The following DENND1C variants were observed in gnomAD, a reference collection of about 807,000 sequenced individuals.
DENND1C encodes the protein DENN domain containing 1C, also known as DENN domain-containing protein 1C.
Under a neutral mutation model 87.9 loss-of-function variants are expected in DENND1C, and 64 were observed. The ratio of observed to expected loss-of-function variants is 0.73; its 90% confidence interval spans 0.60 to 0.90. The LOEUF (loss-of-function observed/expected upper bound fraction) is 0.90. Among genes scored for constraint, DENND1C ranks in the 40% least tolerant of loss-of-function variants. The probability of loss-of-function intolerance (pLI) is 0.00; values close to 1 mark genes in which losing one functional copy is unlikely to be tolerated. For missense variants in DENND1C, 980 were observed against 1,037.0 expected (o/e 0.95, Z 0.76); for synonymous variants, 384 against 424.4 (o/e 0.90, Z 1.17).
intron 14 of DENND1C, among the ~76,000 whole-genome samples, chr19:6,474,020 C>A (rs1367781853): frequency 2.6e-5 from 4 of 151,968 alleles, no homozygotes; most frequent in Non-Finnish European, 5.9e-5. Context: ...CATGGTGAAA[C>A]CCCATCTGTA....
Position 6,467,482 on chromosome 19 carries a change from G to T in DENND1C, c.*22C>A. On this transcript the variant is annotated 3_prime_UTR_variant, in exon 23 of 23. Coordinates refer to ENST00000381480, the MANE Select transcript of DENND1C (RefSeq NM_024898.4). Reference sequence around the variant, plus strand: ...CTTGTGGCTTTATTGAGGGACTGGGGTCTCTCTTGGACCCCTGATTCTTAA... The same window carrying T: ...CTTGTGGCTTTATTGAGGGACTGGGTTCTCTCTTGGACCCCTGATTCTTAA... The T allele has an allele frequency of 6.6e-7, 1 of 1,517,518 alleles. No homozygotes were observed. The highest frequency in any genetic ancestry group is 1.3e-5 in the South Asian group (1 of 78,574). The allele number at this position is 1,517,518 out of a possible 1,614,324, so 94.0% of individuals were successfully genotyped here.
Position 6,475,506 on chromosome 19 carries a change from A to G in DENND1C, c.905T>C (p.Val302Ala). The change falls in exon 13 of 23, where the codon GTG becomes GCG. Residue 302 changes from valine (V) to alanine (A), a missense_variant. Physicochemically the swap from Val to Ala is moderately conservative, Grantham distance 64. Coordinates refer to ENST00000381480, the MANE Select transcript of DENND1C (RefSeq NM_024898.4). ...ANTLETTFND[V>A]QALPPDVVSL... is the part of the protein sequence containing the mutation. ...GACCACGTCTGGAGGCAGCGCCTGC[A>G]CGTCGTTAAAGGTCGTCTCCAAGGT... 2 of 1,613,934 alleles carry G rather than the reference A, an allele frequency of 1.2e-6. No individual in the cohort carries two copies. The highest frequency in any genetic ancestry group is 1.1e-5 in the South Asian group (1 of 91,086).
chr19:6,476,292 C>A (rs2092860040), intron 10 of DENND1C: 1 of 263,604 alleles, frequency 3.8e-6, no homozygotes, highest in Non-Finnish European at 7.2e-6. Context: ...TGTCCCGCCC[C>A]TAGGGGTGGA....
rs745988211 is a variant in DENND1C at position 6,471,297 on chromosome 19, G to A, written c.1258C>T (p.Arg420Ter). ...TGCGASSGAL[R>*]SYQLWADNLK... is the part of the protein sequence containing the mutation. ...TTGTCGGCCCAGAGCTGATAGGATCGAAGGGCCCCTGGGGTAAGGAGAGAG... is the reference window on the plus strand; with the variant it reads ...TTGTCGGCCCAGAGCTGATAGGATCAAAGGGCCCCTGGGGTAAGGAGAGAG... The change falls in exon 17 of 23, where the codon CGA becomes TGA. Residue 420 changes from arginine (R) to a stop codon, truncating the protein, a stop_gained. Transcript: ENST00000381480. LOFTEE classifies it high-confidence loss of function. 22 of 1,598,454 alleles carry A rather than the reference G, an allele frequency of 1.4e-5. No homozygotes were observed. Among genetic ancestry groups the A allele is most frequent in the African/African-American group, 4.0e-5 (3 of 74,658 alleles).
At chr19:6,475,625 C>G (rs377386140) in intron 12 of DENND1C, 40 bp from the exon 13 acceptor site, 5 of 1,613,714 alleles carry the variant, frequency 3.1e-6, no homozygotes, top group Non-Finnish European at 8.5e-7. Flanking sequence ...GCCCGGGAGT[C>G]CTTGGCAGAG....
chr19:6,478,650 C>T, intron 6 of DENND1C, 133 bp downstream of exon 6: 3 of 1,093,812 alleles, frequency 2.7e-6, no homozygotes. Flanking sequence ...ACCTCGGCCT[C>T]CCAAAATGCA....
intron 18 of DENND1C, 42 bp downstream of exon 18, chr19:6,470,253 C>G (rs1353860809): frequency 6.3e-7 from 1 of 1,576,776 alleles, no homozygotes; most frequent in Non-Finnish European, 8.6e-7. Context: ...TCCCCTCCCC[C>G]TCGTCACCCC....
rs201034435 is a variant in DENND1C, at chr19:6,477,495, A to G, written c.367-37T>C. 29 of 1,591,830 alleles carry G rather than the reference A, an allele frequency of 1.8e-5. No homozygotes were observed. The East Asian group carries it at 6.3e-4, about 35-fold the overall frequency. On this transcript the variant is annotated intron_variant, in intron 6 of 22. Transcript: ENST00000381480. ...GTGGAGGGGCGGGGGTGGCTGAGCC[A>G]GATGTGGGGATTGGGGATTCCGAGG...
chr19:6,473,462 T>C (rs917764681), intron 14 of DENND1C, among the ~76,000 whole-genome samples: 3 of 36,450 alleles, frequency 8.2e-5, no homozygotes, highest in African/African-American at 1.9e-4. Flanking sequence ...CCTGGTTTTT[T>C]TTTTTTTTTT....
intron 6 of DENND1C, 117 bp downstream of exon 6, chr19:6,478,666 T>C: frequency 3.2e-6 from 4 of 1,233,322 alleles, no homozygotes; most frequent in Non-Finnish European, 3.4e-6. Flanking sequence ...ATGCAGGGAC[T>C]ACAGGTGTGA....
chr19:6,476,576 A>T, intron 10 of DENND1C: 2 of 384,052 alleles, frequency 5.2e-6, no homozygotes, highest in Non-Finnish European at 4.7e-6. Context: ...CCTAGTTCTC[A>T]GTGTCCCTGA....
At chr19:6,478,888 C>G (rs2092878979) in intron 5 of DENND1C, 36 bp from the exon 6 acceptor site, 1 of 1,613,864 alleles carries the variant, frequency 6.2e-7, no homozygotes, top group East Asian at 2.2e-5. Flanking sequence ...CGAAGTGTCC[C>G]TAGGCCTCGG....
chr19:6,468,368 A>C lies in DENND1C; in HGVS notation c.1657T>G (p.Ser553Ala). The change falls in exon 22 of 23, where the codon TCT (serine) becomes GCT (alanine). Residue 553 changes from serine (S) to alanine (A), a missense_variant. Ser to Ala is a moderately conservative substitution (Grantham distance 99). Transcript: ENST00000381480. ...EEALDSSFLG[S>A]GEELDLLSEI... ...CTCAACAAATCCAGTTCTTCTCCAG[A>C]CCCCAAGAAGCTGCTGTCCAGAGCT... 1 of 1,613,756 alleles carries C rather than the reference A, an allele frequency of 6.2e-7. No homozygotes were observed. The highest frequency in any genetic ancestry group is 1.1e-5 in the South Asian group (1 of 91,044).
At chr19:6,474,349 G>A (rs866526658) in intron 14 of DENND1C, among the ~76,000 whole-genome samples, 1 of 152,124 alleles carries the variant, frequency 6.6e-6, no homozygotes, top group Non-Finnish European at 1.5e-5. Context: ...GCAGATTCAG[G>A]ATGCAGAGAT....
chr19:6,476,656 A>G (rs2092862542), intron 10 of DENND1C: 3 of 582,882 alleles, frequency 5.1e-6, no homozygotes, highest in African/African-American at 1.9e-5. Flanking sequence ...GTACTCCCAA[A>G]AAGGAGGAGC....
At position 6,468,825 on chromosome 19, in the gene DENND1C, TG is replaced by T. The variant is rs1355041331; in HGVS notation, c.1515+20del. The T allele has an allele frequency of 4.0e-6, 6 of 1,499,254 alleles. No individual in the cohort carries two copies. The highest frequency in any genetic ancestry group is 2.4e-5 in the Admixed American group (1 of 42,106). 92.9% of individuals were successfully genotyped at this position (1,499,254 alleles called of 1,614,324 possible). ...TCAGTGATAATTCCAGGTGTGTGCA[TG>T]GGGGGAGGGGCGCTCTCACCTTTCC... On this transcript the variant is annotated intron_variant, in intron 20 of 22. Transcript: ENST00000381480.
At position 6,468,201 on chromosome 19, in the gene DENND1C, G is replaced by A. The variant is rs756539621; in HGVS notation, c.1791+33C>T. ...GGATGGACCATTAGGGGAAGACTTG[G>A]GGTAGGGTTGGGGGAGTGGGCGAGG... is the stretch of plus-strand genomic sequence containing the variant. On this transcript the variant is annotated intron_variant, in intron 22 of 22. Coordinates refer to ENST00000381480, the MANE Select transcript of DENND1C (RefSeq NM_024898.4). 4.3e-6 allele frequency: 7 copies of A among 1,612,688 alleles called. No individual in the cohort carries two copies. The South Asian group carries it at 5.5e-5, about 13-fold the overall frequency.
rs1344862261 is a variant in DENND1C, at chr19:6,481,679, T to C, written c.17A>G (p.Glu6Gly). The C allele has an allele frequency of 1.2e-6, 2 of 1,608,130 alleles. No individual in the cohort carries two copies. Among genetic ancestry groups the C allele is most frequent in the East Asian group, 2.3e-5 (1 of 44,396 alleles). ...GAATGAGGGATGGGGTGGCTCTTAC[T>C]CAGCTCTGGATTCCATGGTCCCTGC... Reference protein sequence around the residue: MESRAEGGSPAVFDWF... With the variant: MESRAGGGSPAVFDWF... The change falls in exon 1 of 23, where the codon GAA (glutamate) becomes GGA (glycine). Residue 6 changes from glutamate (E) to glycine (G), a missense_variant and splice_region_variant. Coordinates refer to ENST00000381480, the MANE Select transcript of DENND1C (RefSeq NM_024898.4).
intron 16 of DENND1C, 24 bp downstream of exon 16, chr19:6,471,382 C>A: frequency 6.3e-7 from 1 of 1,583,344 alleles, no homozygotes; most frequent in Non-Finnish European, 8.6e-7. Context: ...AGTGGGGGAC[C>A]CAGGGGCTGG....
Sources: gnomAD v4.1 joint callset for allele counts (sites outside exome capture counted in the v4.1 genomes callset) on GRCh38, gnomAD v4.1.1 for gene constraint, MANE v1.5 for transcripts, NCBI Gene and HGNC (gene_info 2026-07-23, HGNC 2026-07-21) for gene names.